Variants in LARP1B observed in about 807,000 individuals in gnomAD.
LARP1B encodes the protein la-related protein 1B.
A neutral mutation model predicts 114.2 loss-of-function variants in LARP1B; 76 were observed. The observed-to-expected ratio is 0.67, with a 90% confidence interval of 0.55 to 0.81. LARP1B has a LOEUF of 0.81. Ranked by LOEUF, LARP1B falls within the 30% of genes least tolerant of loss-of-function variation. LARP1B has a pLI of 0.00. For missense variants in LARP1B, 1,014 were observed against 1,075.8 expected, an observed-to-expected ratio of 0.94 and a Z score of 0.80; for synonymous variants, 345 against 348.0, an observed-to-expected ratio of 0.99 and a Z score of 0.10.
rs10659836 is a variant in LARP1B at position 128,062,592 on chromosome 4, C to CTT, written c.-78+1208_-78+1209dup. On this transcript the variant is annotated intron_variant, in intron 1 of 19. Transcript: ENST00000326639. ...CTTCGTATGGGAAAGTTTTGGTAGA[C>CTT]TTTTTTTTTTTTTTTTTTACATAAA... Among the ~76,000 whole-genome samples, 517 of 128,238 alleles carry CTT rather than the reference C, an allele frequency of 4.0e-3. 18 individuals are homozygous for CTT. The highest frequency in any genetic ancestry group is 0.013 in the African/African-American group (434 of 34,546). The allele number at this position is 128,238 out of a possible 152,430, so 84.1% of individuals were successfully genotyped here.
At chr4:128,094,539 T>A (rs1304378153) in intron 7 of LARP1B, among the ~76,000 whole-genome samples, 1 of 151,534 alleles carries the variant, frequency 6.6e-6, no homozygotes, top group Non-Finnish European at 1.5e-5. Flanking sequence ...CTCGAATAGC[T>A]GGGATTAGAG....
intron 1 of LARP1B, chr4:128,069,312 G>T (rs1342997520): frequency 2.4e-6 from 2 of 833,494 alleles, no homozygotes; most frequent in Non-Finnish European, 4.1e-6. Flanking sequence ...GTGGCATCCA[G>T]CTTGCCGCTT....
intron 10 of LARP1B, among the ~76,000 whole-genome samples, chr4:128,120,681 G>T (rs1787617415): frequency 6.6e-6 from 1 of 151,868 alleles, no homozygotes. Context: ...TGTTGGCCAG[G>T]CAGGTCTTGA....
chr4:128,098,745 G>GTGTGTA lies in LARP1B; in HGVS notation c.813+418_813+419insGTATGT, dbSNP rs1347182340. Among the ~76,000 whole-genome samples the GTGTGTA allele has an allele frequency of 4.8e-3, 37 of 7,638 alleles. 2 individuals are homozygous for GTGTGTA. The highest frequency in any genetic ancestry group is 0.031 in the Admixed American group (14 of 446). The allele number at this position is 7,638 out of a possible 152,430, so 5.0% of individuals were successfully genotyped here. ...AAAGCATGTGTTCCTGTATATGTAT[G>GTGTGTA]TGTATATATATATATATATATATTT... On this transcript the variant is annotated intron_variant, in intron 8 of 19. Coordinates refer to ENST00000326639, the MANE Select transcript of LARP1B (RefSeq NM_018078.4).
At chr4:128,173,794 C>T (rs1744815174) in intron 12 of LARP1B, among the ~76,000 whole-genome samples, 1 of 152,120 alleles carries the variant, frequency 6.6e-6, no homozygotes, top group African/African-American at 2.4e-5. Context: ...AAAATTACTG[C>T]TCTAACCCTT....
chr4:128,125,244 CTG>C (rs1789180269), intron 11 of LARP1B, among the ~76,000 whole-genome samples: 2 of 152,184 alleles, frequency 1.3e-5, no homozygotes, highest in African/African-American at 4.8e-5. Flanking sequence ...CCATTCAAAA[CTG>C]TGGATTCCCA....
At chr4:128,118,180 T>G (rs1414529649) in intron 10 of LARP1B, among the ~76,000 whole-genome samples, 1 of 143,354 alleles carries the variant, frequency 7.0e-6, no homozygotes, top group East Asian at 2.1e-4. Flanking sequence ...CCCACCTCGA[T>G]CTTTCAAAGT....
chr4:128,098,093 T>C, intron 7 of LARP1B, 93 bp from the exon 8 acceptor site: 1 of 959,198 alleles, frequency 1.0e-6, no homozygotes, highest in Non-Finnish European at 1.6e-6. Context: ...AATATTTTCA[T>C]GTTAATGATT....
chr4:128,089,964 G>T (rs1775271959), intron 5 of LARP1B, among the ~76,000 whole-genome samples: 1 of 151,508 alleles, frequency 6.6e-6, no homozygotes, highest in African/African-American at 2.4e-5. Context: ...GTAGAGGCAG[G>T]GTTTCGCCAT....
intron 1 of LARP1B, among the ~76,000 whole-genome samples, chr4:128,065,370 C>CTTTCTTTTT (rs1762403342): frequency 8.3e-6 from 1 of 120,320 alleles, no homozygotes; most frequent in Admixed American, 9.0e-5. Context: ...CTTTTCTTTT[C>CTTTCTTTTT]TTTTCTTTTC....
At chr4:128,140,056 A>T (rs1179669119) in intron 11 of LARP1B, among the ~76,000 whole-genome samples, 1 of 152,268 alleles carries the variant, frequency 6.6e-6, no homozygotes, top group African/African-American at 2.4e-5. Context: ...TTGAAGACTT[A>T]GTAACAAAAA....
At chr4:128,208,703 C>T (rs112067872) in intron 19 of LARP1B, among the ~76,000 whole-genome samples, 23 of 152,264 alleles carry the variant, frequency 1.5e-4, no homozygotes, top group African/African-American at 5.3e-4. Flanking sequence ...GTTCTGGGCT[C>T]CCAAATCTTG....
intron 11 of LARP1B, chr4:128,155,711 G>C: frequency 1.2e-6 from 2 of 1,607,222 alleles, no homozygotes; most frequent in South Asian, 1.1e-5. Context: ...GAGGAGCGCC[G>C]CCGAGTAAGG....
chr4:128,153,171 C>CG (rs1416229901), intron 11 of LARP1B, among the ~76,000 whole-genome samples: 3 of 151,286 alleles, frequency 2.0e-5, no homozygotes, highest in Non-Finnish European at 2.9e-5. Context: ...TTAGTAGAGA[C>CG]GGGGTGTCAC....
intron 6 of LARP1B, among the ~76,000 whole-genome samples, chr4:128,217,950 A>G (rs1313809877): frequency 8.0e-6 from 1 of 124,990 alleles, no homozygotes; most frequent in African/African-American, 3.1e-5. Context: ...GCAAAGTCTC[A>G]GGATACAAAA....
chr4:128,147,126 G>A (rs1730683804), intron 11 of LARP1B, among the ~76,000 whole-genome samples: 1 of 152,206 alleles, frequency 6.6e-6, no homozygotes, highest in South Asian at 2.1e-4. Context: ...CAGTGTTGAG[G>A]AGTGATGGAG....
intron 5 of LARP1B, among the ~76,000 whole-genome samples, chr4:128,085,706 A>G (rs1294585803): frequency 6.6e-6 from 1 of 152,162 alleles, no homozygotes; most frequent in African/African-American, 2.4e-5. Context: ...TGTTGAATGC[A>G]TATAGCCCTT....
chr4:128,213,901 C>G (rs996587319), downstream of LARP1B, among the ~76,000 whole-genome samples: 1 of 151,924 alleles, frequency 6.6e-6, no homozygotes, highest in Non-Finnish European at 1.5e-5. Flanking sequence ...CCGGGTTCAT[C>G]TCACTAGGGA....
chr4:128,125,980 A>G (rs536385219), intron 11 of LARP1B, among the ~76,000 whole-genome samples: 7 of 152,326 alleles, frequency 4.6e-5, no homozygotes, highest in Admixed American at 4.6e-4. Flanking sequence ...CCTTTATCTT[A>G]GACCTCCTTT....
Sources: allele counts gnomAD v4.1 joint callset (sites outside exome capture counted in the v4.1 genomes callset), GRCh38; gene constraint gnomAD v4.1.1; transcripts MANE v1.5; gene names NCBI Gene and HGNC (gene_info 2026-07-23, HGNC 2026-07-21).